PDE6C: variants seen among roughly 807,000 people sequenced by gnomAD.
PDE6C encodes the protein cone cGMP-specific 3',5'-cyclic phosphodiesterase subunit alpha'.
In PDE6C, 75 loss-of-function variants were observed where a neutral mutation model predicts 113.1. The ratio of observed to expected loss-of-function variants is 0.66; its 90% confidence interval spans 0.55 to 0.80. The LOEUF is 0.80. Ranked by LOEUF, PDE6C falls within the 30% of genes least tolerant of loss-of-function variation. PDE6C has a pLI of 0.00. For synonymous variants in PDE6C, 375 were observed against 363.7 expected (o/e 1.03, Z -0.35); for missense variants, 912 against 1,038.6 (o/e 0.88, Z 1.67).
chr10:93,634,835 T>C lies in PDE6C; in HGVS notation c.1197T>C (p.Ile399=). The change falls in exon 9 of 22, where the codon ATT becomes ATC. Residue 399 remains isoleucine (I), a synonymous_variant. Coordinates refer to ENST00000371447, the MANE Select transcript of PDE6C (RefSeq NM_006204.4). ...CTATTGTCAACAAGAAAGAAGATATTGTGGGAGTGGCTACATTTTACAACA... is the reference window on the plus strand; with the variant it reads ...CTATTGTCAACAAGAAAGAAGATATCGTGGGAGTGGCTACATTTTACAACA... ...SLPIVNKKED[I]VGVATFYNRK... 9 of 1,614,108 alleles carry C rather than the reference T, an allele frequency of 5.6e-6. No homozygotes were observed. Among genetic ancestry groups the C allele is most frequent in the African/African-American group, 1.3e-5 (1 of 75,034 alleles).
At chr10:93,654,808 TTC>T (rs1255282203) in intron 15 of PDE6C, among the ~76,000 whole-genome samples, 13 of 82,274 alleles carry the variant, frequency 1.6e-4, no homozygotes, top group Admixed American at 6.8e-4. Flanking sequence ...CTTTCTTTCT[TTC>T]TTTTTTTTTT....
intron 3 of PDE6C, 65 bp downstream of exon 3, chr10:93,621,045 C>T (rs1185795416): frequency 7.7e-7 from 1 of 1,294,364 alleles, no homozygotes; most frequent in Non-Finnish European, 1.1e-6. Flanking sequence ...CCAGAGACAA[C>T]AAATTCAGAC....
chr10:93,612,706 G>A lies in PDE6C; in HGVS notation c.-20G>A, dbSNP rs769473194. The A allele has an allele frequency of 1.2e-5, 20 of 1,613,026 alleles. No individual in the cohort carries two copies. Among genetic ancestry groups the A allele is most frequent in the Non-Finnish European group, 1.7e-5 (20 of 1,180,036 alleles). Reference sequence around the variant, plus strand: ...TGAAGGTCGTCCTTTCTGAACAAACGCAGCAAAGCAAGCCACACCATGGGT... The same window carrying A: ...TGAAGGTCGTCCTTTCTGAACAAACACAGCAAAGCAAGCCACACCATGGGT... On this transcript the variant is annotated 5_prime_UTR_variant, in exon 1 of 22. Coordinates refer to ENST00000371447, the MANE Select transcript of PDE6C (RefSeq NM_006204.4).
chr10:93,627,260 A>AG (rs1554889335), intron 7 of PDE6C, among the ~76,000 whole-genome samples: 13 of 141,394 alleles, frequency 9.2e-5, no homozygotes, highest in South Asian at 2.2e-4. Flanking sequence ...AAACTCCACA[A>AG]AAAAAAAAAA....
At position 93,646,052 on chromosome 10, in the gene PDE6C, G is replaced by A. The variant is rs762913475; in HGVS notation, c.1935+5G>A. 25 of 1,506,084 alleles carry A rather than the reference G, an allele frequency of 1.7e-5. No individual in the cohort carries two copies. Among genetic ancestry groups the A allele is most frequent in the South Asian group, 1.1e-4 (10 of 89,026 alleles). 93.3% of individuals were successfully genotyped at this position (1,506,084 alleles called of 1,614,324 possible). ...AAGACTCTGTTGCAGGATGAGGTAC[G>A]TAAACCTCTCTTTAGGACAGCTAAA... On this transcript the variant is annotated splice_donor_5th_base_variant and intron_variant, in intron 15 of 21. Transcript: ENST00000371447.
chr10:93,641,100 C>T, intron 14 of PDE6C, 71 bp downstream of exon 14: 1 of 921,170 alleles, frequency 1.1e-6, no homozygotes, highest in Non-Finnish European at 1.8e-6. Context: ...GAGAAAAACG[C>T]TTCTCCCTAT....
chr10:93,620,531 T>A (rs1041780223), intron 1 of PDE6C, 101 bp from the exon 2 acceptor site: 3 of 1,215,484 alleles, frequency 2.5e-6, no homozygotes, highest in Non-Finnish European at 3.7e-6. Flanking sequence ...TGGTTATCTG[T>A]TGGTAGCATT....
At chr10:93,631,488 C>T (rs577749277) in intron 8 of PDE6C, among the ~76,000 whole-genome samples, 10 of 152,344 alleles carry the variant, frequency 6.6e-5, no homozygotes, top group African/African-American at 2.4e-4. Context: ...CAGAACAGCA[C>T]GGTGGTCTAA....
chr10:93,659,739 A>G (rs1321459535), intron 18 of PDE6C, among the ~76,000 whole-genome samples: 1 of 152,228 alleles, frequency 6.6e-6, no homozygotes, highest in Non-Finnish European at 1.5e-5. Context: ...GGTCACTCCC[A>G]TGAATTGGGA....
chr10:93,664,107 G>T (rs1373283189), intron 21 of PDE6C, among the ~76,000 whole-genome samples: 1 of 152,186 alleles, frequency 6.6e-6, no homozygotes, highest in African/African-American at 2.4e-5. Context: ...TTTATCAGAT[G>T]TCTTCTCTGT....
At position 93,629,287 on chromosome 10, in the gene PDE6C, T is replaced by A. The variant is rs556892228; in HGVS notation, c.1101T>A (p.Asp367Glu). Reference protein sequence around the residue: ...FICNMMNAPADEYFTFQKGPV... With the variant: ...FICNMMNAPAEEYFTFQKGPV... ...GTAACATGATGAATGCCCCTGCGGA[T>A]GAATACTTCACATTTCAGGTAACTG... Residue 367 changes from aspartate to glutamate, a missense_variant, in exon 8 of 22, where the codon GAT (aspartate) becomes GAA (glutamate). Transcript: ENST00000371447. 2 of 1,611,404 alleles carry A rather than the reference T, an allele frequency of 1.2e-6. No individual in the cohort carries two copies. Among genetic ancestry groups the A allele is most frequent in the Admixed American group, 3.3e-5 (2 of 60,020 alleles).
At chr10:93,636,660 T>C (rs2058533337) in intron 10 of PDE6C, among the ~76,000 whole-genome samples, 1 of 152,102 alleles carries the variant, frequency 6.6e-6, no homozygotes, top group African/African-American at 2.4e-5. Context: ...AAAAATCAAA[T>C]ATATTAGATT....
intron 15 of PDE6C, among the ~76,000 whole-genome samples, chr10:93,651,191 T>C (rs1564803834): frequency 6.6e-6 from 1 of 152,184 alleles, no homozygotes; most frequent in African/African-American, 2.4e-5. Flanking sequence ...CCTAGTACCA[T>C]GGAAGAAGGG....
Position 93,631,199 on chromosome 10 carries a change from C to T in PDE6C, c.1119+1894C>T, listed in dbSNP as rs562508865. On this transcript the variant is annotated intron_variant, in intron 8 of 21. Coordinates refer to ENST00000371447, the MANE Select transcript of PDE6C (RefSeq NM_006204.4). ...GAGTCCCCAGTGTGGGATAAACCTC[C>T]AGGCCACAGGGATTTCCCAGTTCTC... Among the ~76,000 whole-genome samples the T allele has an allele frequency of 2.6e-5, 4 of 152,370 alleles. No homozygotes were observed. The South Asian group carries it at 8.3e-4, about 32-fold the overall frequency.
intron 5 of PDE6C, among the ~76,000 whole-genome samples, 173 bp downstream of exon 5, chr10:93,625,822 C>T (rs113334796): frequency 0.014 from 2,057 of 152,214 alleles, 35 homozygotes; most frequent in African/African-American, 0.045. Context: ...GCTGATTGGC[C>T]CCTGCCTTAA....
Position 93,626,662 on chromosome 10 carries a change from T to A in PDE6C, c.962T>A (p.Ile321Asn). 1 of 1,586,422 alleles carries A rather than the reference T, an allele frequency of 6.3e-7. No homozygotes were observed. Among genetic ancestry groups the A allele is most frequent in the Non-Finnish European group, 8.7e-7 (1 of 1,154,928 alleles). ...TAGGAAGTCAACTTTTATAAAATCA[T>A]TGATTACATTTTACATGGAAAAGAA... is the stretch of plus-strand genomic sequence containing the variant. ...DGREVNFYKI[I>N]DYILHGKEEI... The change falls in exon 6 of 22, where the codon ATT (isoleucine) becomes AAT (asparagine). Residue 321 changes from isoleucine to asparagine, a missense_variant. Coordinates refer to ENST00000371447, the MANE Select transcript of PDE6C (RefSeq NM_006204.4).
chr10:93,636,368 T>TTGTGTGTGTGTGTGTGTGTGTG (rs56143950), intron 10 of PDE6C, among the ~76,000 whole-genome samples: 7 of 141,256 alleles, frequency 5.0e-5, no homozygotes, highest in Non-Finnish European at 7.6e-5. Flanking sequence ...TTCCCTGGCT[T>TTGTGTGTGTGTGTGTGTGTGTG]TGTGTGTGTG....
chr10:93,625,712 C>T (rs1288728639), intron 5 of PDE6C, 63 bp downstream of exon 5: 58 of 1,123,368 alleles, frequency 5.2e-5, no homozygotes, highest in Non-Finnish European at 7.4e-5. Flanking sequence ...AATTAAGAGG[C>T]CACAGTGCAT....
intron 16 of PDE6C, among the ~76,000 whole-genome samples, chr10:93,657,576 A>T (rs1398169878): frequency 6.6e-6 from 1 of 152,020 alleles, no homozygotes; most frequent in African/African-American, 2.4e-5. Flanking sequence ...TTGTGTTTCA[A>T]AGATTTATCA....
Sources: gnomAD v4.1 joint callset for allele counts (sites outside exome capture counted in the v4.1 genomes callset) on GRCh38, gnomAD v4.1.1 for gene constraint, MANE v1.5 for transcripts, NCBI Gene and HGNC (gene_info 2026-07-23, HGNC 2026-07-21) for gene names.